The following RBM6 variants were observed in gnomAD, a reference collection of about 807,000 sequenced individuals.
The protein encoded by RBM6 is RNA-binding protein 6.
Under a neutral mutation model 140.4 loss-of-function variants are expected in RBM6, and 23 were observed. The observed-to-expected ratio is 0.16, with a 90% CI of 0.12 to 0.23. The LOEUF is 0.23. Ranked by LOEUF, RBM6 falls within the 10% of genes least tolerant of loss-of-function variation. RBM6 has a pLI of 1.00. For missense variants in RBM6, 1,139 were observed against 1,386.7 expected (o/e 0.82, Z 2.84); for synonymous variants, 439 against 475.6 (o/e 0.92, Z 1.00).
At chr3:49,992,421 T>G (rs2085870432) in intron 5 of RBM6, among the ~76,000 whole-genome samples, 1 of 152,194 alleles carries the variant, frequency 6.6e-6, no homozygotes, top group Non-Finnish European at 1.5e-5. Context: ...GTCAGGAAAT[T>G]CGTACTGCCT....
intron 6 of RBM6, among the ~76,000 whole-genome samples, chr3:50,045,448 A>G (rs571586777): frequency 6.6e-6 from 1 of 152,304 alleles, no homozygotes; most frequent in South Asian, 2.1e-4. Context: ...ATTCAACAAG[A>G]GCTTACTAAG....
chr3:49,970,784 C>T (rs2084753980), intron 3 of RBM6, among the ~76,000 whole-genome samples: 1 of 151,936 alleles, frequency 6.6e-6, no homozygotes, highest in African/African-American at 2.4e-5. Flanking sequence ...CACTTGAGGC[C>T]AGGAACTTGA....
intron 6 of RBM6, among the ~76,000 whole-genome samples, chr3:50,040,489 T>TACACACAC (rs1328304322): frequency 1.0e-5 from 1 of 98,932 alleles, no homozygotes; most frequent in East Asian, 2.6e-4. Context: ...TATATATATA[T>TACACACAC]ATATACACAC....
intron 3 of RBM6, among the ~76,000 whole-genome samples, chr3:49,970,288 C>A (rs974981935): frequency 2.6e-5 from 4 of 152,056 alleles, no homozygotes; most frequent in Non-Finnish European, 5.9e-5. Context: ...ACATATTTCC[C>A]AGGCTGGTTT....
At position 49,955,884 on chromosome 3, in the gene RBM6, G is replaced by A. The variant is rs981869037; in HGVS notation, c.-66-6692G>A. Among the ~76,000 whole-genome samples, 7 of 151,156 alleles carry A rather than the reference G, an allele frequency of 4.6e-5. No individual in the cohort carries two copies. The South Asian group carries it at 6.3e-4, about 14-fold the overall frequency. On this transcript the variant is annotated intron_variant, in intron 1 of 20. Coordinates refer to ENST00000266022, the MANE Select transcript of RBM6 (RefSeq NM_005777.3). ...TCTGTGTGTGTGTGTGTGTGTGTGTGTATATGTATATATATTCTGCCAATA... is the reference window on the plus strand; with the variant it reads ...TCTGTGTGTGTGTGTGTGTGTGTGTATATATGTATATATATTCTGCCAATA...
At chr3:49,970,253 AT>A (rs1364402506) in intron 3 of RBM6, among the ~76,000 whole-genome samples, 1 of 151,820 alleles carries the variant, frequency 6.6e-6, no homozygotes, top group African/African-American at 2.4e-5. Flanking sequence ...CAATTTTTGT[AT>A]TTTTTTGTAG....
At chr3:49,993,121 C>T (rs1262852507) in intron 5 of RBM6, among the ~76,000 whole-genome samples, 3 of 152,094 alleles carry the variant, frequency 2.0e-5, no homozygotes, top group African/African-American at 4.8e-5. Flanking sequence ...GGGGCAAAGA[C>T]GTTGCTCTTC....
Position 50,056,902 on chromosome 3 carries a change from G to A in RBM6, c.1694-826G>A, listed in dbSNP as rs2089725575. The stretch of plus-strand genomic sequence containing the variant: ...ATATAAAGGAGCTACGTGCAGATAG[G>A]GTCTGTTCCTAGCTTCACTGGAGGA... On this transcript the variant is annotated intron_variant, in intron 8 of 20. Coordinates refer to ENST00000266022, the MANE Select transcript of RBM6 (RefSeq NM_005777.3). Among the ~76,000 whole-genome samples the A allele has an allele frequency of 2.0e-5, 3 of 152,136 alleles. No individual in the cohort carries two copies. In the South Asian group the frequency reaches 6.2e-4, roughly 32 times the overall value.
At chr3:50,007,277 A>G (rs1001561116) in intron 6 of RBM6, among the ~76,000 whole-genome samples, 3 of 145,586 alleles carry the variant, frequency 2.1e-5, no homozygotes, top group Admixed American at 6.8e-5. Context: ...GCTCACTGCA[A>G]CCTCCGTTTT....
At chr3:49,969,012 CATTTATTT>C (rs549393903) in intron 3 of RBM6, among the ~76,000 whole-genome samples, 2 of 147,414 alleles carry the variant, frequency 1.4e-5, no homozygotes. Flanking sequence ...TGAAGGATGA[CATTTATTT>C]ATTTATTTAT....
At chr3:50,049,954 C>G (rs2089400183) in intron 7 of RBM6, among the ~76,000 whole-genome samples, 1 of 151,646 alleles carries the variant, frequency 6.6e-6, no homozygotes, top group Non-Finnish European at 1.5e-5. Context: ...TCCCAAATAG[C>G]TGGGACTATA....
chr3:50,047,140 T>C, intron 6 of RBM6: 1 of 982,362 alleles, frequency 1.0e-6, no homozygotes, highest in African/African-American at 1.7e-5. Context: ...TTCTCTTGAC[T>C]TTTTTGATGT....
intron 6 of RBM6, among the ~76,000 whole-genome samples, chr3:50,038,778 A>C (rs1216912007): frequency 6.6e-6 from 1 of 152,198 alleles, no homozygotes; most frequent in African/African-American, 2.4e-5. Flanking sequence ...GCTTGCAGTG[A>C]GCCGAGATCG....
intron 6 of RBM6, among the ~76,000 whole-genome samples, chr3:50,044,069 CAG>C (rs2089087569): frequency 6.6e-6 from 1 of 151,230 alleles, no homozygotes; most frequent in Non-Finnish European, 1.5e-5. Context: ...TTAGTAGAGA[CAG>C]GGTTTCACTG....
At chr3:50,012,519 G>A (rs1228001552) in intron 6 of RBM6, among the ~76,000 whole-genome samples, 3 of 151,502 alleles carry the variant, frequency 2.0e-5, no homozygotes, top group African/African-American at 4.9e-5. Context: ...CACCACGCCC[G>A]GCTAAGTTTT....
chr3:49,952,282 G>T (rs756765095), intron 1 of RBM6, among the ~76,000 whole-genome samples: 4 of 151,956 alleles, frequency 2.6e-5, no homozygotes, highest in Non-Finnish European at 4.4e-5. Context: ...ACCCGCCTTG[G>T]CCTCCCAAAG....
intron 4 of RBM6, among the ~76,000 whole-genome samples, chr3:49,973,587 T>TC (rs202116822): frequency 5.9e-4 from 87 of 146,390 alleles, no homozygotes; most frequent in Non-Finnish European, 5.5e-4. Context: ...TGCTTTTCTT[T>TC]TTTTTTTTTT....
chr3:50,009,595 C>G (rs1358483876), intron 6 of RBM6, among the ~76,000 whole-genome samples: 1 of 152,126 alleles, frequency 6.6e-6, no homozygotes, highest in Non-Finnish European at 1.5e-5. Flanking sequence ...CTTGCTCTAT[C>G]ACCCAAGCTG....
chr3:50,003,652 C>T (rs1406925858), intron 6 of RBM6, among the ~76,000 whole-genome samples: 1 of 152,196 alleles, frequency 6.6e-6, no homozygotes, highest in African/African-American at 2.4e-5. Context: ...CAAGGTCCCT[C>T]TAGCCTTTTC....
Sources: allele counts gnomAD v4.1 joint callset (sites outside exome capture counted in the v4.1 genomes callset), GRCh38; gene constraint gnomAD v4.1.1; transcripts MANE v1.5; gene names NCBI Gene and HGNC (gene_info 2026-07-23, HGNC 2026-07-21).